SLC22A7: variants seen among roughly 807,000 people sequenced by gnomAD.
The protein encoded by SLC22A7 is hOAT2.
In SLC22A7, 48 loss-of-function variants were observed where a neutral mutation model predicts 62.2. The observed-to-expected ratio is 0.77, with a 90% CI of 0.61 to 0.98. SLC22A7 has a LOEUF of 0.98. SLC22A7 is among the 50% of genes least tolerant of loss of function. The probability of loss-of-function intolerance (pLI) is 0.00; values close to 1 mark genes in which losing one functional copy is unlikely to be tolerated. For missense variants in SLC22A7, 581 were observed against 703.8 expected (o/e 0.83, Z 1.97); for synonymous variants, 276 against 314.8 (o/e 0.88, Z 1.30).
At chr6:43,300,092 C>G in intron 5 of SLC22A7, 26 bp downstream of exon 5, 2 of 1,610,040 alleles carry the variant, frequency 1.2e-6, no homozygotes, top group South Asian at 1.1e-5. Context: ...AGCTGGGGAG[C>G]GGGAGATACA....
At chr6:43,304,584 A>T in intron 10 of SLC22A7, 87 bp from the exon 11 acceptor site, 2 of 1,149,824 alleles carry the variant, frequency 1.7e-6, no homozygotes, top group Non-Finnish European at 2.6e-6. Flanking sequence ...AACTGGGGTG[A>T]GCCCTGGGAC....
chr6:43,302,953 C>T lies in SLC22A7; in HGVS notation c.1385+190C>T, dbSNP rs1778807733. On this transcript the variant is annotated intron_variant, in intron 9 of 10. Coordinates refer to ENST00000372585, the MANE Select transcript of SLC22A7 (RefSeq NM_153320.2). The surrounding 1 kb of genome is among the most constrained non-coding windows in gnomAD (Gnocchi z 5.0). The stretch of plus-strand genomic sequence containing the variant: ...AACTCCTGGTCTCAAGCGATCCTCC[C>T]GCCTCAGCCTCCAAAAGTGCTCGTA... 3 of 280,014 alleles carry T rather than the reference C, an allele frequency of 1.1e-5. No individual in the cohort carries two copies. Among genetic ancestry groups the T allele is most frequent in the Admixed American group, 6.5e-5 (1 of 15,382 alleles). The allele number at this position is 280,014 out of a possible 1,614,324, so 17.3% of individuals were successfully genotyped here.
rs971945800 is a variant in SLC22A7 at position 43,301,595 on chromosome 6, G to T, written c.964G>T (p.Val322Leu). The change falls in exon 7 of 11, where the codon GTG becomes TTG. Residue 322 changes from valine to leucine, a missense_variant. Coordinates refer to ENST00000372585, the MANE Select transcript of SLC22A7 (RefSeq NM_153320.2). ...CCTTCCCTACCAGGCTGTGAGCAAA[G>T]TGGCCGCCGGGGAACGGGTGGTCCG... Reference protein sequence around the residue: ...DSFSQEAVSKVAAGERVVRRP... With the variant: ...DSFSQEAVSKLAAGERVVRRP... The T allele has an allele frequency of 1.2e-6, 2 of 1,614,148 alleles. No homozygotes were observed. Among genetic ancestry groups the T allele is most frequent in the East Asian group, 4.5e-5 (2 of 44,872 alleles).
chr6:43,298,153 C>G (rs1778600221), upstream of SLC22A7: 1 of 547,100 alleles, frequency 1.8e-6, no homozygotes, highest in Non-Finnish European at 3.2e-6. Flanking sequence ...CCCCCAGGCA[C>G]CAGGCAAGAC....
intron 5 of SLC22A7, among the ~76,000 whole-genome samples, chr6:43,300,340 T>C (rs1459300196): frequency 2.0e-5 from 3 of 149,110 alleles, no homozygotes; most frequent in East Asian, 2.0e-4. Flanking sequence ...CCTTGGAGAG[T>C]TGGGGATAGG....
Position 43,301,131 on chromosome 6 carries a change from C to A in SLC22A7, c.828-4C>A. ...TGGCTGATGGACCTTCTGCCTATTC[C>A]TAGGTGGGTGCCTGAGTCTGCACGC... On this transcript the variant is annotated splice_polypyrimidine_tract_variant and splice_region_variant and intron_variant, in intron 5 of 10. Transcript: ENST00000372585. 1 of 1,614,138 alleles carries A rather than the reference C, an allele frequency of 6.2e-7. No individual in the cohort carries two copies. The highest frequency in any genetic ancestry group is 8.5e-7 in the Non-Finnish European group (1 of 1,180,002).
chr6:43,299,666 T>A lies in SLC22A7; in HGVS notation c.543T>A (p.Ser181Arg). The A allele has an allele frequency of 6.2e-7, 1 of 1,614,130 alleles. No homozygotes were observed. The highest frequency in any genetic ancestry group is 8.5e-7 in the Non-Finnish European group (1 of 1,180,010). ...RRRLLLVAYV[S>R]TLVLGLASAA... ...GTCTGCTGCTGGTAGCCTACGTGAG[T>A]ACCCTGGTGCTGGGCCTGGCATCTG... Residue 181 changes from serine to arginine, a missense_variant, in exon 4 of 11, where the codon AGT becomes AGA. Ser to Arg is a moderately radical substitution (Grantham distance 110). Coordinates refer to ENST00000372585, the MANE Select transcript of SLC22A7 (RefSeq NM_153320.2). This position sits in a 1 kb window ranked among gnomAD's most constrained non-coding sequence, Gnocchi z 4.4.
rs1233125042 is a variant in SLC22A7 at position 43,302,607 on chromosome 6, T to A, written c.1277-48T>A. On this transcript the variant is annotated intron_variant, in intron 8 of 10. Transcript: ENST00000372585. The surrounding 1 kb of genome is among the most constrained non-coding windows in gnomAD (Gnocchi z 5.0). ...CTCCGCACCCTATCCAGAACACCCC[T>A]GGCTCTCCTCCAAGGCCCTCTCACT... is the stretch of plus-strand genomic sequence containing the variant. 3 of 1,422,398 alleles carry A rather than the reference T, an allele frequency of 2.1e-6. No individual in the cohort carries two copies. Among genetic ancestry groups the A allele is most frequent in the Non-Finnish European group, 2.9e-6 (3 of 1,025,554 alleles). The allele number at this position is 1,422,398 out of a possible 1,614,324, so 88.1% of individuals were successfully genotyped here.
chr6:43,304,749 AC>A lies in SLC22A7; in HGVS notation c.*25del. ...AAGTGGGAGTGGAGGCAGGCCCTCC[AC>A]AGAAGCTCTGCAGCAGGGGCTGGGA... On this transcript the variant is annotated 3_prime_UTR_variant, in exon 11 of 11. Coordinates refer to ENST00000372585, the MANE Select transcript of SLC22A7 (RefSeq NM_153320.2). 2 of 1,534,872 alleles carry A rather than the reference AC, an allele frequency of 1.3e-6. No individual in the cohort carries two copies. Among genetic ancestry groups the A allele is most frequent in the Middle Eastern group, 1.7e-4 (1 of 5,760 alleles).
rs1210728579 is a variant in SLC22A7 at position 43,298,486 on chromosome 6, C to T, written c.128C>T (p.Ala43Val). Residue 43 changes from alanine to valine, a missense_variant, in exon 1 of 11, where the codon GCC becomes GTC. Transcript: ENST00000372585. ...LHFLLPIFLA[A>V]VPAHRCALPG... ...TTCCTCCTGCCCATCTTCCTGGCTGCCGTGCCTGCCCACCGATGTGCCCTG... is the reference window on the plus strand; with the variant it reads ...TTCCTCCTGCCCATCTTCCTGGCTGTCGTGCCTGCCCACCGATGTGCCCTG... 1 of 1,613,502 alleles carries T rather than the reference C, an allele frequency of 6.2e-7. No individual in the cohort carries two copies. Among genetic ancestry groups the T allele is most frequent in the Non-Finnish European group, 8.5e-7 (1 of 1,180,024 alleles).
In SLC22A7 at chr6:43,302,915, C is replaced by T. The variant is rs1284157527; in HGVS notation, c.1385+152C>T. 8 of 673,666 alleles carry T rather than the reference C, an allele frequency of 1.2e-5. No homozygotes were observed. The highest frequency in any genetic ancestry group is 2.9e-5 in the Admixed American group (1 of 34,482). The allele number at this position is 673,666 out of a possible 1,614,324, so 41.7% of individuals were successfully genotyped here. A position where few individuals can be genotyped will look rare whatever the true frequency, so the allele number is the denominator to read the frequency against. On this transcript the variant is annotated intron_variant, in intron 9 of 10. Transcript: ENST00000372585. This position sits in a 1 kb window ranked among gnomAD's most constrained non-coding sequence, Gnocchi z 5.0. ...AGAGACGGGGTCTTGCTATATTACCCAGACTGGTCTCAAACTCCTGGTCTC... is the reference window on the plus strand; with the variant it reads ...AGAGACGGGGTCTTGCTATATTACCTAGACTGGTCTCAAACTCCTGGTCTC...
At chr6:43,298,799 C>T (rs771728024) in intron 1 of SLC22A7, 48 bp downstream of exon 1, 1 of 1,515,096 alleles carries the variant, frequency 6.6e-7, no homozygotes, top group South Asian at 1.3e-5. Context: ...ATGGGCCTGC[C>T]ATTGCCTTGG....
Position 43,299,266 on chromosome 6 carries a change from G to T in SLC22A7, c.400-124G>T. On this transcript the variant is annotated intron_variant, in intron 2 of 10. Coordinates refer to ENST00000372585, the MANE Select transcript of SLC22A7 (RefSeq NM_153320.2). The surrounding 1 kb of genome is among the most constrained non-coding windows in gnomAD (Gnocchi z 4.4). ...TGAATCGTTGGGAGGTTTATTATCT[G>T]GCATGGAGGTACCAGAATGGCAGAG... 6.2e-7 allele frequency: 1 copy of T among 1,603,848 alleles called. No homozygotes were observed. Among genetic ancestry groups the T allele is most frequent in the Non-Finnish European group, 8.5e-7 (1 of 1,174,706 alleles).
rs1417541619 is a variant in SLC22A7, at chr6:43,300,062, C to A, written c.823C>A (p.Leu275Ile). The part of the protein sequence containing the change: ...TLPCAPGILS[L>I]WWVPESARWL... ...GCCTTGTGCCCCAGGCATCCTCAGC[C>A]TCTGGTGAGGACTGCAGGCAGCTGG... Residue 275 changes from leucine to isoleucine, a missense_variant, in exon 5 of 11, where the codon CTC becomes ATC. Leu to Ile is a conservative substitution (Grantham distance 5). Coordinates refer to ENST00000372585, the MANE Select transcript of SLC22A7 (RefSeq NM_153320.2). 1.9e-6 allele frequency: 3 copies of A among 1,613,906 alleles called. No homozygotes were observed. The highest frequency in any genetic ancestry group is 2.5e-6 in the Non-Finnish European group (3 of 1,179,956).
upstream of SLC22A7, among the ~76,000 whole-genome samples, chr6:43,297,521 T>C (rs998406325): frequency 3.3e-5 from 5 of 152,194 alleles, no homozygotes; most frequent in African/African-American, 1.2e-4. Context: ...TGACAAGACC[T>C]TGGTAACTCC....
rs1324384615 is a variant in SLC22A7 at position 43,304,728 on chromosome 6, G to T, written c.*3G>T. On this transcript the variant is annotated 3_prime_UTR_variant, in exon 11 of 11. Transcript: ENST00000372585. Reference sequence around the variant, plus strand: ...CCATGAAGCAGGTCCAGAACTAAGTGGGAGTGGAGGCAGGCCCTCCACAGA... The same window carrying T: ...CCATGAAGCAGGTCCAGAACTAAGTTGGAGTGGAGGCAGGCCCTCCACAGA... 1.3e-6 allele frequency: 2 copies of T among 1,571,802 alleles called. No homozygotes were observed. Among genetic ancestry groups the T allele is most frequent in the Non-Finnish European group, 1.7e-6 (2 of 1,153,206 alleles).
At position 43,303,248 on chromosome 6, in the gene SLC22A7, G is replaced by T. The variant is rs1778817343; in HGVS notation, c.1385+485G>T. The T allele has an allele frequency of 1.7e-5, 13 of 743,032 alleles. No individual in the cohort carries two copies. In the South Asian group the frequency reaches 7.3e-4, roughly 42 times the overall value. 46.0% of individuals were successfully genotyped at this position (743,032 alleles called of 1,614,324 possible). A position where few individuals can be genotyped will look rare whatever the true frequency, so the allele number is the denominator to read the frequency against. The stretch of plus-strand genomic sequence containing the variant: ...GGCCAAGGCGGGCGGATCACTGAAG[G>T]TCAGGAATTCGAGACCAGCCTGACC... On this transcript the variant is annotated intron_variant, in intron 9 of 10. Coordinates refer to ENST00000372585, the MANE Select transcript of SLC22A7 (RefSeq NM_153320.2).
chr6:43,299,139 G>A lies in SLC22A7; in HGVS notation c.399+42G>A. On this transcript the variant is annotated intron_variant, in intron 2 of 10. Coordinates refer to ENST00000372585, the MANE Select transcript of SLC22A7 (RefSeq NM_153320.2). The surrounding 1 kb of genome is among the most constrained non-coding windows in gnomAD (Gnocchi z 4.4). ...TCCATCTGGAGGTGGAATGTCGGTG[G>A]AGGCAGTCTCCCTGGGAGGCAGCAG... 2 of 1,614,068 alleles carry A rather than the reference G, an allele frequency of 1.2e-6. No individual in the cohort carries two copies. The highest frequency in any genetic ancestry group is 1.7e-6 in the Non-Finnish European group (2 of 1,179,940).
Position 43,299,550 on chromosome 6 carries a change from C to T in SLC22A7, c.503+57C>T, listed in dbSNP as rs574693415. The T allele has an allele frequency of 1.9e-5, 30 of 1,606,226 alleles. No individual in the cohort carries two copies. The East Asian group carries it at 6.0e-4, about 32-fold the overall frequency. Reference sequence around the variant, plus strand: ...GGCTGGGGGAACTTTCTCCCACTAGCTGGGGTATGAGCCTAGTCTACCTAT... The same window carrying T: ...GGCTGGGGGAACTTTCTCCCACTAGTTGGGGTATGAGCCTAGTCTACCTAT... On this transcript the variant is annotated intron_variant, in intron 3 of 10. Transcript: ENST00000372585. This position sits in a 1 kb window ranked among gnomAD's most constrained non-coding sequence, Gnocchi z 4.4.
Sources: gnomAD v4.1 joint callset for allele counts (sites outside exome capture counted in the v4.1 genomes callset) on GRCh38, gnomAD v4.1.1 for gene constraint, Gnocchi (gnomAD v3.1) non-coding constraint, MANE v1.5 for transcripts, NCBI Gene and HGNC (gene_info 2026-07-23, HGNC 2026-07-21) for gene names.